The following SLC13A3 variants were observed in gnomAD, a reference collection of about 807,000 sequenced individuals.
SLC13A3 encodes Na(+)/dicarboxylate cotransporter 3.
A neutral mutation model predicts 59.0 loss-of-function variants in SLC13A3; 40 were observed. That is an observed-to-expected ratio of 0.68 (90% CI 0.53 to 0.88). The LOEUF (loss-of-function observed/expected upper bound fraction) is 0.88. Among genes scored for constraint, SLC13A3 ranks in the 40% least tolerant of loss-of-function variants. The pLI, the probability that SLC13A3 is intolerant of heterozygous loss-of-function variation, is 0.00. For missense variants in SLC13A3, 699 were observed against 783.2 expected (o/e 0.89, Z 1.28); for synonymous variants, 317 against 330.3 (o/e 0.96, Z 0.44).
chr20:46,563,183 C>T (rs894677254), intron 12 of SLC13A3, among the ~76,000 whole-genome samples: 1 of 152,186 alleles, frequency 6.6e-6, no homozygotes, highest in Non-Finnish European at 1.5e-5. Context: ...TTCCTTGCCT[C>T]TGGAGCAAAT....
chr20:46,613,296 T>TTG (rs71335597), intron 2 of SLC13A3, among the ~76,000 whole-genome samples, 164 bp downstream of exon 2: 2 of 103,016 alleles, frequency 1.9e-5, no homozygotes, highest in Non-Finnish European at 3.9e-5. Context: ...TGCTAAATAG[T>TTG]AGAGAAATAA....
At chr20:46,628,179 C>T (rs576132555) in intron 1 of SLC13A3, among the ~76,000 whole-genome samples, 2 of 152,150 alleles carry the variant, frequency 1.3e-5, no homozygotes, top group Non-Finnish European at 2.9e-5. Context: ...CCACATGATC[C>T]CGAGGCACTG....
chr20:46,569,919 T>C lies in SLC13A3; in HGVS notation c.1333-3529A>G, dbSNP rs528280492. Among the ~76,000 whole-genome samples, 3 of 152,334 alleles carry C rather than the reference T, an allele frequency of 2.0e-5. No individual in the cohort carries two copies. In the South Asian group the frequency reaches 6.2e-4, roughly 32 times the overall value. On this transcript the variant is annotated intron_variant, in intron 10 of 12. Coordinates refer to ENST00000279027, the MANE Select transcript of SLC13A3 (RefSeq NM_022829.6). ...GTTTGTTATGGCATAAGTTCAATAT[T>C]TGAAGTCAAAAACTCCTGTGGCCAA...
At chr20:46,561,658 TTG>T (rs1331333164) in intron 12 of SLC13A3, among the ~76,000 whole-genome samples, 4 of 142,662 alleles carry the variant, frequency 2.8e-5, no homozygotes, top group Admixed American at 1.4e-4. Flanking sequence ...AAGTTTTTTT[TTG>T]TTTTTTTTTT....
chr20:46,605,758 C>T (rs559384835), intron 3 of SLC13A3, among the ~76,000 whole-genome samples: 45 of 152,196 alleles, frequency 3.0e-4, no homozygotes, highest in African/African-American at 9.6e-4. Flanking sequence ...GCAGGTCTGA[C>T]GTGAAACTGA....
intron 1 of SLC13A3, among the ~76,000 whole-genome samples, chr20:46,617,043 A>G (rs2062563151): frequency 6.6e-6 from 1 of 152,180 alleles, no homozygotes; most frequent in African/African-American, 2.4e-5. Context: ...AGCAGATTTT[A>G]TAGCTTTATA....
upstream of SLC13A3, among the ~76,000 whole-genome samples, chr20:46,674,977 G>C (rs1444688585): frequency 6.6e-6 from 1 of 152,122 alleles, no homozygotes; most frequent in African/African-American, 2.4e-5. Flanking sequence ...AGACAAAGTG[G>C]CATTTGGTAG....
chr20:46,647,787 G>C (rs768779473), intron 1 of SLC13A3, among the ~76,000 whole-genome samples: 2 of 152,194 alleles, frequency 1.3e-5, no homozygotes, highest in African/African-American at 2.4e-5. Context: ...TCCTAGAACA[G>C]CAAAGCAGCA....
chr20:46,682,604 T>C (rs568552184), intron 1 of SLC13A3, among the ~76,000 whole-genome samples: 1 of 152,288 alleles, frequency 6.6e-6, no homozygotes, highest in Admixed American at 6.5e-5. Context: ...GGGGCAGGAC[T>C]TAATTTCTCT....
At chr20:46,656,424 TG>T, upstream of SLC13A3, among the ~76,000 whole-genome samples, 1 of 32,562 alleles carries the variant, frequency 3.1e-5, no homozygotes, top group African/African-American at 1.4e-4. Context: ...ATACTGTATA[TG>T]ATATACTATA....
rs535884300 is a variant in SLC13A3 at position 46,583,389 on chromosome 20, C to T, written c.1219+183G>A. Reference sequence around the variant, plus strand: ...GTCTGAAGACTGTAGTTGCTAACCCCTGTCCTGGACTACCACCTGGGGCAG... The same window carrying T: ...GTCTGAAGACTGTAGTTGCTAACCCTTGTCCTGGACTACCACCTGGGGCAG... On this transcript the variant is annotated intron_variant, in intron 9 of 12. Transcript: ENST00000279027. 1.1e-5 allele frequency: 15 copies of T among 1,392,306 alleles called. No individual in the cohort carries two copies. In the South Asian group the frequency reaches 2.1e-4, roughly 19 times the overall value. 86.2% of individuals were successfully genotyped at this position (1,392,306 alleles called of 1,614,324 possible). A position where few individuals can be genotyped will look rare whatever the true frequency, so the allele number is the denominator to read the frequency against.
chr20:46,669,248 G>A (rs2063077673), intron 1 of SLC13A3, among the ~76,000 whole-genome samples: 2 of 152,168 alleles, frequency 1.3e-5, no homozygotes, highest in African/African-American at 4.8e-5. Context: ...TCAGCTAAAG[G>A]AGAAATCTTG....
At chr20:46,632,524 T>A (rs1195260007) in intron 1 of SLC13A3, among the ~76,000 whole-genome samples, 1 of 150,750 alleles carries the variant, frequency 6.6e-6, no homozygotes, top group African/African-American at 2.4e-5. Flanking sequence ...AGCTGGGACC[T>A]GGGGGTTATA....
chr20:46,628,181 G>A (rs1255526691), intron 1 of SLC13A3, among the ~76,000 whole-genome samples: 4 of 152,182 alleles, frequency 2.6e-5, no homozygotes, highest in African/African-American at 4.8e-5. Flanking sequence ...ACATGATCCC[G>A]AGGCACTGCT....
chr20:46,665,989 G>C (rs1415505962), intron 1 of SLC13A3, among the ~76,000 whole-genome samples: 6 of 152,202 alleles, frequency 3.9e-5, no homozygotes, highest in African/African-American at 1.4e-4. Flanking sequence ...TGGTGGCTTG[G>C]ACCAGAGTAG....
At chr20:46,584,992 C>A (rs2062177214) in intron 8 of SLC13A3, 1 of 277,356 alleles carries the variant, frequency 3.6e-6, no homozygotes, top group Admixed American at 6.5e-5. Context: ...AACCAAGACA[C>A]CCTGTAAATT....
At chr20:46,560,845 C>T (rs6124812) in intron 12 of SLC13A3, among the ~76,000 whole-genome samples, 15,394 of 152,210 alleles carry the variant, frequency 0.1, 929 homozygotes, top group Non-Finnish European at 0.14. Context: ...GCTGAAAATC[C>T]TTGTTTTCCC....
At chr20:46,638,858 G>C (rs888897234) in intron 1 of SLC13A3, among the ~76,000 whole-genome samples, 5 of 152,286 alleles carry the variant, frequency 3.3e-5, no homozygotes, top group Admixed American at 1.3e-4. Context: ...TAGCAGCATC[G>C]CTGGCCTCTA....
chr20:46,678,882 A>G (rs1467914644), intron 1 of SLC13A3, among the ~76,000 whole-genome samples: 1 of 152,036 alleles, frequency 6.6e-6, no homozygotes, highest in Non-Finnish European at 1.5e-5. Flanking sequence ...CTCTGTGGTA[A>G]TCTCTGAGTG....
Sources: gnomAD v4.1 joint callset for allele counts (sites outside exome capture counted in the v4.1 genomes callset) on GRCh38, gnomAD v4.1.1 for gene constraint, MANE v1.5 for transcripts, NCBI Gene and HGNC (gene_info 2026-07-23, HGNC 2026-07-21) for gene names.